The following CDH4 variants were observed in gnomAD, a reference collection of about 807,000 sequenced individuals.
CDH4 encodes cadherin-4.
A neutral mutation model predicts 86.0 loss-of-function variants in CDH4; 33 were observed. The observed-to-expected ratio is 0.38, with a 90% confidence interval of 0.29 to 0.51. The LOEUF (loss-of-function observed/expected upper bound fraction) is 0.51. CDH4 is among the 20% of genes least tolerant of loss of function. CDH4 has a pLI of 0.86. For missense variants in CDH4, 1,114 were observed against 1,307.4 expected (o/e 0.85, Z 2.28); for synonymous variants, 555 against 549.4 (o/e 1.01, Z -0.14).
At chr20:61,644,659 G>T (rs1182698373) in intron 2 of CDH4, among the ~76,000 whole-genome samples, 2 of 152,190 alleles carry the variant, frequency 1.3e-5, no homozygotes, top group Non-Finnish European at 2.9e-5. Context: ...CACAACCAGG[G>T]CAAAGCCAGG....
At chr20:61,355,871 T>G (rs1240519185) in intron 2 of CDH4, among the ~76,000 whole-genome samples, 1 of 152,336 alleles carries the variant, frequency 6.6e-6, no homozygotes, top group East Asian at 1.9e-4. Flanking sequence ...CTTGAAAAAT[T>G]TCCTGCCTTC....
intron 2 of CDH4, among the ~76,000 whole-genome samples, chr20:61,647,528 T>TCTCTCCCTCTCCCTCTCCCTCTCC (rs111670033): frequency 1.5e-4 from 14 of 90,530 alleles, no homozygotes; most frequent in African/African-American, 5.4e-4. Flanking sequence ...ACACATATTC[T>TCTCTCCCTCTCCCTCTCCCTCTCC]CTCTCCCTCT....
chr20:61,933,093 A>G lies in CDH4; in HGVS notation c.2348A>G (p.Tyr783Cys). 4 of 1,613,130 alleles carry G rather than the reference A, an allele frequency of 2.5e-6. No homozygotes were observed. Among genetic ancestry groups the G allele is most frequent in the Non-Finnish European group, 3.4e-6 (4 of 1,179,964 alleles). ...EDDVRDNILK[Y>C]DEEGGGEEDQ... ...GACGTCCGCGACAACATCCTCAAGT[A>G]TGACGAGGAAGGCGGTGGCGAGGAG... Residue 783 changes from tyrosine (Y) to cysteine (C), a missense_variant, in exon 14 of 16, where the codon TAT becomes TGT. Tyr to Cys is a radical substitution (Grantham distance 194). Transcript: ENST00000614565.
intron 4 of CDH4, among the ~76,000 whole-genome samples, chr20:61,814,072 C>T (rs1980583840): frequency 1.3e-5 from 2 of 152,192 alleles, no homozygotes; most frequent in Non-Finnish European, 2.9e-5. Flanking sequence ...ACCCCAGGTG[C>T]CGGGCCCATG....
At chr20:61,306,346 CTT>C (rs5842347) in intron 2 of CDH4, among the ~76,000 whole-genome samples, 1 of 151,110 alleles carries the variant, frequency 6.6e-6, no homozygotes, top group African/African-American at 2.4e-5. Context: ...CTTTCTTTTT[CTT>C]TTTTTTTTAA....
intron 7 of CDH4, among the ~76,000 whole-genome samples, chr20:61,882,861 C>T (rs905102045): frequency 1.5e-4 from 23 of 151,556 alleles, no homozygotes; most frequent in Admixed American, 7.2e-4. Flanking sequence ...GTCACCCGGC[C>T]GGCCCCGCAG....
rs2055088476 is a variant in CDH4 at position 61,929,943 on chromosome 20, C to A, written c.2239+101C>A. 3 of 867,866 alleles carry A rather than the reference C, an allele frequency of 3.5e-6. No individual in the cohort carries two copies. In the East Asian group the frequency reaches 7.6e-5, roughly 22 times the overall value. The allele number at this position is 867,866 out of a possible 1,614,324, so 53.8% of individuals were successfully genotyped here. Reference sequence around the variant, plus strand: ...GGGGGGCCTGGATTTGCCCCTCAGCCCTCATCTCTCAGCCTCATCTGTCAG... The same window carrying A: ...GGGGGGCCTGGATTTGCCCCTCAGCACTCATCTCTCAGCCTCATCTGTCAG... On this transcript the variant is annotated intron_variant, in intron 13 of 15. Coordinates refer to ENST00000614565, the MANE Select transcript of CDH4 (RefSeq NM_001794.5).
At chr20:61,909,031 G>T (rs2054821921) in intron 8 of CDH4, among the ~76,000 whole-genome samples, 1 of 152,300 alleles carries the variant, frequency 6.6e-6, no homozygotes, top group East Asian at 1.9e-4. Context: ...CTCTTTAAAA[G>T]TCCCATCTCC....
chr20:61,586,156 T>C (rs2086472732), intron 2 of CDH4, among the ~76,000 whole-genome samples: 1 of 151,624 alleles, frequency 6.6e-6, no homozygotes, highest in African/African-American at 2.4e-5. Context: ...ATTGTGGTGA[T>C]GGGGAAATGA....
intron 2 of CDH4, among the ~76,000 whole-genome samples, chr20:61,379,399 C>G (rs1473404090): frequency 2.0e-5 from 3 of 151,968 alleles, no homozygotes; most frequent in African/African-American, 7.3e-5. Flanking sequence ...TCCTGTACTT[C>G]TCGCTGTAAA....
intron 6 of CDH4, among the ~76,000 whole-genome samples, chr20:61,858,962 C>T (rs541452380): frequency 1.1e-4 from 17 of 152,252 alleles, no homozygotes; most frequent in East Asian, 3.9e-4. Context: ...CGGGAGCAGG[C>T]GTTTGTTTTG....
intron 2 of CDH4, among the ~76,000 whole-genome samples, chr20:61,720,783 G>C (rs969329589): frequency 6.6e-6 from 1 of 152,082 alleles, no homozygotes; most frequent in Admixed American, 6.5e-5. Flanking sequence ...TGTAGGGGTC[G>C]GGGAGGCGTG....
At chr20:61,748,891 GA>G (rs2088451480) in intron 3 of CDH4, among the ~76,000 whole-genome samples, 1 of 73,542 alleles carries the variant, frequency 1.4e-5, no homozygotes, top group African/African-American at 7.4e-5. Context: ...ATGCAAAAAA[GA>G]GAAATGAAAA....
At position 61,902,815 on chromosome 20, in the gene CDH4, G is replaced by T. The variant is rs2054741396; in HGVS notation, c.1189-7607G>T. Among the ~76,000 whole-genome samples, 3 of 152,168 alleles carry T rather than the reference G, an allele frequency of 2.0e-5. No individual in the cohort carries two copies. Among genetic ancestry groups the T allele is most frequent in the Admixed American group, 2.0e-4 (3 of 15,280 alleles). On this transcript the variant is annotated intron_variant, in intron 8 of 15. Coordinates refer to ENST00000614565, the MANE Select transcript of CDH4 (RefSeq NM_001794.5). This position sits in a 1 kb window ranked among gnomAD's most constrained non-coding sequence, Gnocchi z 4.6. Reference sequence around the variant, plus strand: ...TCTAGCATTGCAGACGTCTAAGTATGAGGTCAGCGCCTCGTCACCACCTGT... The same window carrying T: ...TCTAGCATTGCAGACGTCTAAGTATTAGGTCAGCGCCTCGTCACCACCTGT...
intron 2 of CDH4, among the ~76,000 whole-genome samples, chr20:61,734,605 G>A (rs1004051726): frequency 1.3e-5 from 2 of 152,224 alleles, no homozygotes; most frequent in East Asian, 1.9e-4. Context: ...TGTTTGAATA[G>A]TGAGAATTCA....
chr20:61,876,171 G>A (rs955018467), intron 7 of CDH4, among the ~76,000 whole-genome samples: 9 of 152,374 alleles, frequency 5.9e-5, no homozygotes, highest in East Asian at 1.9e-4. Flanking sequence ...GCCTGTGAGC[G>A]CCGGCACCTC....
chr20:61,544,868 T>C lies in CDH4; in HGVS notation c.170-198695T>C, dbSNP rs1053025414. ...AGCTTTTAATTGAGGGGAGGGGGGA[T>C]GCACTAGGGGGTCTTGGAACTTGGT... On this transcript the variant is annotated intron_variant, in intron 2 of 15. Coordinates refer to ENST00000614565, the MANE Select transcript of CDH4 (RefSeq NM_001794.5). The surrounding 1 kb of genome is among the most constrained non-coding windows in gnomAD (Gnocchi z 6.5). Among the ~76,000 whole-genome samples the C allele has an allele frequency of 6.6e-6, 1 of 152,098 alleles. No individual in the cohort carries two copies. The highest frequency in any genetic ancestry group is 6.5e-5 in the Admixed American group (1 of 15,276).
rs564720067 is a variant in CDH4, at chr20:61,261,280, C to G, written c.169+6343C>G. 5.9e-5 allele frequency among the ~76,000 whole-genome samples: 9 copies of G among 152,336 alleles called. No homozygotes were observed. The South Asian group carries it at 1.9e-3, about 32-fold the overall frequency. On this transcript the variant is annotated intron_variant, in intron 2 of 15. Transcript: ENST00000614565. ...CCTAACCGCTGCTTCTCTATGCTCA[C>G]TGCCACTAAGCAGACCCCCTTCATT... is the stretch of plus-strand genomic sequence containing the variant.
At chr20:61,707,765 C>T (rs532323795) in intron 2 of CDH4, among the ~76,000 whole-genome samples, 6 of 152,236 alleles carry the variant, frequency 3.9e-5, no homozygotes, top group South Asian at 4.1e-4. Flanking sequence ...TCATGAGGAA[C>T]GCGCAGCCTA....
Sources: allele counts gnomAD v4.1 joint callset (sites outside exome capture counted in the v4.1 genomes callset), GRCh38; gene constraint gnomAD v4.1.1; non-coding constraint Gnocchi (gnomAD v3.1); transcripts MANE v1.5; gene names NCBI Gene and HGNC (gene_info 2026-07-23, HGNC 2026-07-21).